SVIL: variants seen among roughly 807,000 people sequenced by gnomAD.
SVIL encodes the protein supervillin, also known as archvillin.
SVIL carries 101 observed loss-of-function variants against 240.4 expected under a neutral mutation model. The observed-to-expected ratio is 0.42, with a 90% CI of 0.36 to 0.50. SVIL has a LOEUF of 0.50. Among genes scored for constraint, SVIL ranks in the 20% least tolerant of loss-of-function variants. The probability of loss-of-function intolerance (pLI) is 0.01; values close to 1 mark genes in which losing one functional copy is unlikely to be tolerated. For synonymous variants in SVIL, 999 were observed against 1,100.0 expected, an observed-to-expected ratio of 0.91 and a Z score of 1.82; for missense variants, 2,512 against 2,818.7, an observed-to-expected ratio of 0.89 and a Z score of 2.46.
At chr10:29,516,831 C>T (rs1705424916) in intron 16 of SVIL, among the ~76,000 whole-genome samples, 1 of 152,182 alleles carries the variant, frequency 6.6e-6, no homozygotes, top group Admixed American at 6.5e-5. Flanking sequence ...GGAATGCTGG[C>T]CTGAGAACCC....
chr10:29,566,022 T>C (rs2132707003), intron 2 of SVIL, among the ~76,000 whole-genome samples: 1 of 152,336 alleles, frequency 6.6e-6, no homozygotes, highest in East Asian at 1.9e-4. Context: ...GTGTACCTTT[T>C]ATGCAAAGTT....
At chr10:29,485,225 CG>C (rs1324414819) in intron 26 of SVIL, among the ~76,000 whole-genome samples, 14 of 151,576 alleles carry the variant, frequency 9.2e-5, no homozygotes, top group African/African-American at 3.4e-4. Flanking sequence ...CTTCATATAC[CG>C]CAGGCACTCA....
At chr10:29,508,920 G>T (rs900952988) in intron 17 of SVIL, among the ~76,000 whole-genome samples, 1 of 152,182 alleles carries the variant, frequency 6.6e-6, no homozygotes, top group African/African-American at 2.4e-5. Context: ...GGGAGCCACC[G>T]TGTGTGCCTT....
chr10:29,491,885 C>G (rs1440189836), intron 21 of SVIL, among the ~76,000 whole-genome samples: 3 of 152,186 alleles, frequency 2.0e-5, no homozygotes, highest in Non-Finnish European at 4.4e-5. Context: ...ACCCAAAATA[C>G]TATTTTGAAG....
intron 2 of SVIL, among the ~76,000 whole-genome samples, chr10:29,673,372 T>TA (rs1959936414): frequency 6.6e-6 from 1 of 152,128 alleles, no homozygotes; most frequent in Non-Finnish European, 1.5e-5. Flanking sequence ...TTTTTTTTTT[T>TA]AATCACTGAC....
At chr10:29,646,830 G>T (rs77720963) in intron 3 of SVIL, among the ~76,000 whole-genome samples, 1 of 152,266 alleles carries the variant, frequency 6.6e-6, no homozygotes, top group South Asian at 2.1e-4. Flanking sequence ...TCTCCATCCA[G>T]GGAGAGGAGA....
intron 1 of SVIL, among the ~76,000 whole-genome samples, chr10:29,570,379 C>T (rs566004704): frequency 1.1e-4 from 16 of 152,274 alleles, no homozygotes; most frequent in Non-Finnish European, 1.8e-4. Context: ...TGCATTTGAG[C>T]TGGAAAGCAG....
At chr10:29,736,267 A>C (rs1206193492), upstream of SVIL, among the ~76,000 whole-genome samples, 1 of 152,194 alleles carries the variant, frequency 6.6e-6, no homozygotes, top group African/African-American at 2.4e-5. Flanking sequence ...CGGCATAAGC[A>C]CGTCCTATCT....
At position 29,484,943 on chromosome 10, in the gene SVIL, C is replaced by G; in HGVS notation, c.4780-112G>C. 8.5e-7 allele frequency: 1 copy of G among 1,173,526 alleles called. No individual in the cohort carries two copies. Among genetic ancestry groups the G allele is most frequent in the Non-Finnish European group, 1.2e-6 (1 of 852,436 alleles). 72.7% of individuals were successfully genotyped at this position (1,173,526 alleles called of 1,614,324 possible). A position where few individuals can be genotyped will look rare whatever the true frequency, so the allele number is the denominator to read the frequency against. On this transcript the variant is annotated intron_variant, in intron 26 of 37. Coordinates refer to ENST00000355867, the MANE Select transcript of SVIL (RefSeq NM_021738.3). This position sits in a 1 kb window ranked among gnomAD's most constrained non-coding sequence, Gnocchi z 4.7. ...AGTCAAACGGAGGAAGACAGAAATC[C>G]TAACGGGGCGACCAACACAGACACA...
intron 1 of SVIL, among the ~76,000 whole-genome samples, chr10:29,696,217 G>T (rs927999506): frequency 5.3e-5 from 8 of 152,072 alleles, no homozygotes; most frequent in Middle Eastern, 6.8e-3. Context: ...GCCTCCCGAG[G>T]TGCCAGGATT....
chr10:29,571,940 G>A (rs1169863752), intron 1 of SVIL, among the ~76,000 whole-genome samples: 1 of 152,124 alleles, frequency 6.6e-6, no homozygotes, highest in South Asian at 2.1e-4. Context: ...CTAGGAGCAG[G>A]GACTCTGAGT....
At chr10:29,627,729 T>C (rs1957929008) in intron 1 of SVIL, among the ~76,000 whole-genome samples, 1 of 152,302 alleles carries the variant, frequency 6.6e-6, no homozygotes, top group East Asian at 1.9e-4. Flanking sequence ...ATAAATTCCA[T>C]CTCAAATGGG....
intron 1 of SVIL, among the ~76,000 whole-genome samples, chr10:29,610,896 C>T (rs536373967): frequency 7.2e-5 from 11 of 152,292 alleles, no homozygotes; most frequent in East Asian, 3.9e-4. Context: ...GGTGCACTCT[C>T]GCTCATGCAT....
At chr10:29,716,891 C>T (rs1274762546) in intron 1 of SVIL, among the ~76,000 whole-genome samples, 3 of 152,146 alleles carry the variant, frequency 2.0e-5, no homozygotes, top group African/African-American at 7.2e-5. Context: ...GCAGGATTTT[C>T]TTTACAAAAA....
intron 1 of SVIL, among the ~76,000 whole-genome samples, chr10:29,578,697 T>C (rs916672595): frequency 1.3e-5 from 2 of 152,246 alleles, no homozygotes; most frequent in African/African-American, 4.8e-5. Flanking sequence ...CAGCACGTGA[T>C]GCACACTTCC....
In SVIL at chr10:29,486,054, CTCACTGAA is replaced by C. The variant is rs765273221; in HGVS notation, c.4779+23_4779+30del. On this transcript the variant is annotated intron_variant, in intron 26 of 37. Transcript: ENST00000355867. ...GTGCTGAGTGCTTTCAATGTGGTTT[CTCACTGAA>C]GGGCAGAGCCCACGGACTGTACCTC... 18,815 of 1,613,432 alleles carry C rather than the reference CTCACTGAA, an allele frequency of 0.012. 1,416 individuals carry two copies. The East Asian group carries it at 0.22, about 19-fold the overall frequency.
At chr10:29,552,477 C>T (rs1285834537) in intron 5 of SVIL, among the ~76,000 whole-genome samples, 6 of 149,822 alleles carry the variant, frequency 4.0e-5, no homozygotes, top group African/African-American at 1.5e-4. Flanking sequence ...GCAGGAGAAT[C>T]ACTTGAACCC....
At chr10:29,500,405 GC>G (rs1158676643) in intron 17 of SVIL, among the ~76,000 whole-genome samples, 4 of 152,128 alleles carry the variant, frequency 2.6e-5, no homozygotes, top group Admixed American at 2.6e-4. Context: ...GTGCAAAGGT[GC>G]CCCCTCCAGA....
intron 1 of SVIL, among the ~76,000 whole-genome samples, chr10:29,601,204 TC>T (rs770333386): frequency 6.6e-6 from 1 of 152,134 alleles, no homozygotes; most frequent in Non-Finnish European, 1.5e-5. Flanking sequence ...AAAAAAAATT[TC>T]CCCCTGGATT....
Sources: allele counts gnomAD v4.1 joint callset (sites outside exome capture counted in the v4.1 genomes callset), GRCh38; gene constraint gnomAD v4.1.1; non-coding constraint Gnocchi (gnomAD v3.1); transcripts MANE v1.5; gene names NCBI Gene and HGNC (gene_info 2026-07-23, HGNC 2026-07-21).